MYT1L: variants seen among roughly 807,000 people sequenced by gnomAD.
MYT1L encodes the protein myelin transcription factor 1-like protein.
A neutral mutation model predicts 126.7 loss-of-function variants in MYT1L; 12 were observed. The observed-to-expected ratio is 0.09, with a 90% CI of 0.06 to 0.15. MYT1L has a LOEUF of 0.15. Ranked by LOEUF, MYT1L falls within the 10% of genes least tolerant of loss-of-function variation. The probability of loss-of-function intolerance (pLI) is 1.00; values close to 1 mark genes in which losing one functional copy is unlikely to be tolerated. For missense variants in MYT1L, 979 were observed against 1,585.2 expected, an observed-to-expected ratio of 0.62 and a Z score of 6.49; for synonymous variants, 541 against 604.2, an observed-to-expected ratio of 0.90 and a Z score of 1.53.
At chr2:1,926,161 G>T (rs2054206194) in intron 9 of MYT1L, among the ~76,000 whole-genome samples, 1 of 152,164 alleles carries the variant, frequency 6.6e-6, no homozygotes. Flanking sequence ...GGCGTGGGTG[G>T]CCTCAAAGCC....
At chr2:2,244,569 AGCCCCTGG>A (rs1281533493) in intron 2 of MYT1L, among the ~76,000 whole-genome samples, 1 of 152,190 alleles carries the variant, frequency 6.6e-6, no homozygotes, top group Non-Finnish European at 1.5e-5. Flanking sequence ...TGAGGCTTGA[AGCCCCTGG>A]GAGAAGAGAA....
intron 9 of MYT1L, among the ~76,000 whole-genome samples, chr2:1,932,204 A>G (rs1231515095): frequency 6.6e-6 from 1 of 152,176 alleles, no homozygotes; most frequent in Non-Finnish European, 1.5e-5. Context: ...CAGGGAATTG[A>G]GGCACGGAGG....
At chr2:1,809,215 A>T (rs779132974) in intron 21 of MYT1L, 48 bp from the exon 22 acceptor site, 1 of 1,541,046 alleles carries the variant, frequency 6.5e-7, no homozygotes, top group Non-Finnish European at 9.0e-7. Context: ...CTAATGTCCC[A>T]GCCCTGCAGG....
At chr2:1,985,387 G>C (rs1242588414) in intron 5 of MYT1L, among the ~76,000 whole-genome samples, 4 of 152,188 alleles carry the variant, frequency 2.6e-5, no homozygotes, top group Non-Finnish European at 5.9e-5. Flanking sequence ...GCCATATCCA[G>C]GTGTTTTCCC....
rs1339089641 is a variant in MYT1L at position 2,284,767 on chromosome 2, G to A, written c.-520-264C>T. On this transcript the variant is annotated intron_variant, in intron 1 of 24. Coordinates refer to ENST00000647738, the MANE Select transcript of MYT1L (RefSeq NM_001303052.2). ...TGTCACCAGGCTGGAGTGCAGTGGC[G>A]GGATCTTGGCTCACTGGAGCCTGTC... Among the ~76,000 whole-genome samples the A allele has an allele frequency of 3.6e-5, 5 of 137,884 alleles. No homozygotes were observed. The South Asian group carries it at 8.1e-4, about 22-fold the overall frequency. The allele number at this position is 137,884 out of a possible 152,430, so 90.5% of individuals were successfully genotyped here.
intron 19 of MYT1L, chr2:1,842,790 C>T (rs550603167): frequency 1.3e-5 from 2 of 156,276 alleles, no homozygotes; most frequent in African/African-American, 4.8e-5. Context: ...GTCCAGCAGA[C>T]CGGGTGCGTC....
intron 1 of MYT1L, among the ~76,000 whole-genome samples, chr2:2,320,198 A>G (rs934290328): frequency 3.9e-5 from 6 of 152,210 alleles, no homozygotes; most frequent in East Asian, 1.9e-4. Flanking sequence ...CCTGATCTTG[A>G]GCACTGAGTG....
intron 19 of MYT1L, chr2:1,841,653 G>A (rs1434797324): frequency 6.6e-6 from 1 of 152,050 alleles, no homozygotes; most frequent in East Asian, 1.9e-4. Flanking sequence ...AAAGACGCTG[G>A]GGGAGGTTTT....
intron 2 of MYT1L, among the ~76,000 whole-genome samples, chr2:2,264,596 G>C (rs2095073657): frequency 6.6e-6 from 1 of 152,128 alleles, no homozygotes; most frequent in Admixed American, 6.5e-5. Flanking sequence ...TCTGTGCAAC[G>C]CTGGCCCAAG....
chr2:1,853,687 A>G (rs112583071), intron 18 of MYT1L, among the ~76,000 whole-genome samples: 1,655 of 152,364 alleles, frequency 0.011, 30 homozygotes, highest in African/African-American at 0.037. Flanking sequence ...TTAAGAAAAG[A>G]AAAAGATTCT....
intron 2 of MYT1L, among the ~76,000 whole-genome samples, chr2:2,219,037 A>G (rs1559370734): frequency 6.6e-6 from 1 of 152,242 alleles, no homozygotes; most frequent in Non-Finnish European, 1.5e-5. Context: ...TTTGGCTAAA[A>G]TAAGAATGTT....
rs182547362 is a variant in MYT1L, at chr2:2,059,220, A to C, written c.-303-5097T>G. 6.6e-6 allele frequency among the ~76,000 whole-genome samples: 1 copy of C among 152,220 alleles called. No homozygotes were observed. Among genetic ancestry groups the C allele is most frequent in the African/African-American group, 2.4e-5 (1 of 41,446 alleles). On this transcript the variant is annotated intron_variant, in intron 3 of 24. Coordinates refer to ENST00000647738, the MANE Select transcript of MYT1L (RefSeq NM_001303052.2). This position sits in a 1 kb window ranked among gnomAD's most constrained non-coding sequence, Gnocchi z 4.7. ...TGAGTGGGCCTGCAGTGGCCATAGC[A>C]TCCCAGCTTCTTACTCTGGGTGAGG... is the stretch of plus-strand genomic sequence containing the variant.
intron 22 of MYT1L, among the ~76,000 whole-genome samples, chr2:1,808,085 C>T (rs1253371646): frequency 6.6e-6 from 1 of 152,194 alleles, no homozygotes; most frequent in Non-Finnish European, 1.5e-5. Flanking sequence ...TGTAGGTTTC[C>T]TGAGACCTCC....
intron 2 of MYT1L, among the ~76,000 whole-genome samples, chr2:2,268,131 C>A (rs2095178133): frequency 1.3e-5 from 2 of 152,126 alleles, no homozygotes; most frequent in African/African-American, 4.8e-5. Flanking sequence ...AGCCCACATC[C>A]ATTTGATGCA....
chr2:2,233,856 C>T (rs1045887378), intron 2 of MYT1L, among the ~76,000 whole-genome samples: 9 of 152,182 alleles, frequency 5.9e-5, no homozygotes, highest in Admixed American at 4.6e-4. Context: ...TGTCCAGCCA[C>T]AGTCTGAAAT....
chr2:2,301,669 A>C (rs2095787972), intron 1 of MYT1L, among the ~76,000 whole-genome samples: 1 of 151,966 alleles, frequency 6.6e-6, no homozygotes, highest in Non-Finnish European at 1.5e-5. Flanking sequence ...TCTCTACTAA[A>C]AAATTTAAAA....
intron 3 of MYT1L, among the ~76,000 whole-genome samples, chr2:2,065,922 T>C: frequency 6.6e-6 from 1 of 151,490 alleles, no homozygotes; most frequent in East Asian, 1.9e-4. Flanking sequence ...AAATTGGGCA[T>C]AAAATAACAG....
rs779961039 is a variant in MYT1L at position 1,806,800 on chromosome 2, G to A, written c.3172+2276C>T. On this transcript the variant is annotated intron_variant, in intron 22 of 24. Coordinates refer to ENST00000647738, the MANE Select transcript of MYT1L (RefSeq NM_001303052.2). This position sits in a 1 kb window ranked among gnomAD's most constrained non-coding sequence, Gnocchi z 4.9. ...TTGAACTGGCCTACCTAACCTAACC[G>A]CCACTTCCTTCATTAATGGGGAACA... Among the ~76,000 whole-genome samples the A allele has an allele frequency of 3.9e-5, 6 of 152,040 alleles. No homozygotes were observed. Among genetic ancestry groups the A allele is most frequent in the African/African-American group, 9.7e-5 (4 of 41,396 alleles).
chr2:2,252,465 C>T (rs2094678934), intron 2 of MYT1L, among the ~76,000 whole-genome samples: 1 of 152,226 alleles, frequency 6.6e-6, no homozygotes, highest in South Asian at 2.1e-4. Flanking sequence ...CTGGCTCCTC[C>T]ATTCTGCAAT....
Sources: gnomAD v4.1 joint callset for allele counts (sites outside exome capture counted in the v4.1 genomes callset) on GRCh38, gnomAD v4.1.1 for gene constraint, Gnocchi (gnomAD v3.1) non-coding constraint, MANE v1.5 for transcripts, NCBI Gene and HGNC (gene_info 2026-07-23, HGNC 2026-07-21) for gene names.